Variants in XPO6 observed in about 807,000 individuals in gnomAD.
XPO6 encodes the protein exportin 6.
In XPO6, 3 loss-of-function variants were observed where a neutral mutation model predicts 130.0. The ratio of observed to expected loss-of-function variants is 0.02; its 90% CI spans 0.01 to 0.06. XPO6 has a LOEUF of 0.06. Ranked by LOEUF, XPO6 falls within the 10% of genes least tolerant of loss-of-function variation. XPO6 has a pLI of 1.00. For synonymous variants in XPO6, 524 were observed against 548.9 expected (o/e 0.95, Z 0.63); for missense variants, 970 against 1,393.0 (o/e 0.70, Z 4.83).
At chr16:28,119,762 TA>T (rs2087179448) in intron 14 of XPO6, among the ~76,000 whole-genome samples, 1 of 152,258 alleles carries the variant, frequency 6.6e-6, no homozygotes, top group African/African-American at 2.4e-5. Context: ...TGAGGGTTGA[TA>T]ATGATATCAT....
chr16:28,127,016 A>G (rs574017423), intron 12 of XPO6, among the ~76,000 whole-genome samples: 208 of 152,278 alleles, frequency 1.4e-3, no homozygotes, highest in African/African-American at 4.8e-3. Flanking sequence ...GCTGTGCTCC[A>G]AAATCAGCTT....
At chr16:28,152,890 T>G in intron 7 of XPO6, 105 bp from the exon 8 acceptor site, 1 of 1,452,330 alleles carries the variant, frequency 6.9e-7, no homozygotes, top group Non-Finnish European at 9.0e-7. Flanking sequence ...AAATTTGTAA[T>G]ATATTTTCTT....
At chr16:28,189,574 A>G (rs1283055590) in intron 1 of XPO6, among the ~76,000 whole-genome samples, 1 of 147,040 alleles carries the variant, frequency 6.8e-6, no homozygotes, top group East Asian at 2.1e-4. Flanking sequence ...AACATTGTGT[A>G]CAAGAGTTGC....
chr16:28,116,799 G>A (rs2087072211), intron 15 of XPO6, among the ~76,000 whole-genome samples: 1 of 152,178 alleles, frequency 6.6e-6, no homozygotes. Flanking sequence ...ATCGCTGTAA[G>A]ATATAGTAAC....
rs756811873 is a variant in XPO6, at chr16:28,104,569, G to A, written c.2923C>T (p.Pro975Ser). The stretch of plus-strand genomic sequence containing the variant: ...ACCTGCATGATGGCACTGAACTGGG[G>A]CTCATTCTCCATCTGCTCCTCAGCG... ...GIAEEQMENE[P>S]QFSAIMQAFG... The change falls in exon 21 of 24, where the codon CCC becomes TCC. Residue 975 changes from proline (P) to serine (S), a missense_variant. Pro to Ser is a moderately conservative substitution (Grantham distance 74, BLOSUM62 -1). Around this residue, in one of 4 missense-constraint regions of XPO6, gnomAD observed 936 missense variants for 1,306.8 expected, o/e 0.72. Transcript: ENST00000304658. 6.2e-7 allele frequency: 1 copy of A among 1,614,178 alleles called. No individual in the cohort carries two copies. The highest frequency in any genetic ancestry group is 2.2e-5 in the East Asian group (1 of 44,892).
intron 1 of XPO6, among the ~76,000 whole-genome samples, chr16:28,199,426 C>G (rs1490088780): frequency 6.6e-6 from 1 of 152,064 alleles, no homozygotes; most frequent in African/African-American, 2.4e-5. Context: ...AGGTGCCCAC[C>G]ACCATGTCCA....
In XPO6 at chr16:28,132,280, A is replaced by G; in HGVS notation, c.1606+54T>C. 1 of 1,333,632 alleles carries G rather than the reference A, an allele frequency of 7.5e-7. No individual in the cohort carries two copies. The highest frequency in any genetic ancestry group is 1.3e-5 in the South Asian group (1 of 78,538). 82.6% of individuals were successfully genotyped at this position (1,333,632 alleles called of 1,614,324 possible). On this transcript the variant is annotated intron_variant, in intron 12 of 23. Transcript: ENST00000304658. This position sits in a 1 kb window ranked among gnomAD's most constrained non-coding sequence, Gnocchi z 4.0. ...GCAACGGCAGCAGTAATGAAATATCAGTCCGATGGTTTTTTGAATGTTTGG... is the reference window on the plus strand; with the variant it reads ...GCAACGGCAGCAGTAATGAAATATCGGTCCGATGGTTTTTTGAATGTTTGG...
intron 1 of XPO6, among the ~76,000 whole-genome samples, chr16:28,207,329 C>T (rs2044047859): frequency 6.6e-6 from 1 of 151,750 alleles, no homozygotes; most frequent in African/African-American, 2.4e-5. Context: ...AAAAGAAATG[C>T]TAATATAAGC....
chr16:28,112,148 C>T (rs2086939979), intron 16 of XPO6, 142 bp from the exon 17 acceptor site: 2 of 922,752 alleles, frequency 2.2e-6, no homozygotes, highest in African/African-American at 3.3e-5. Flanking sequence ...TGGGCAAGGC[C>T]TTTGGTCCAA....
intron 6 of XPO6, among the ~76,000 whole-genome samples, chr16:28,162,521 T>TGACTTAGAAGGAATGAA (rs2043293215): frequency 6.6e-6 from 1 of 152,028 alleles, no homozygotes; most frequent in Non-Finnish European, 1.5e-5. Flanking sequence ...GTGCATTTAC[T>TGACTTAGAAGGAATGAA]GACTTAGAAG....
At chr16:28,159,807 A>AG (rs1290367057) in intron 6 of XPO6, among the ~76,000 whole-genome samples, 1 of 152,238 alleles carries the variant, frequency 6.6e-6, no homozygotes, top group Non-Finnish European at 1.5e-5. Context: ...TTAACCATAA[A>AG]GGTATCTTTT....
chr16:28,111,034 G>A (rs2086907747), intron 17 of XPO6: 1 of 152,164 alleles, frequency 6.6e-6, no homozygotes, highest in Non-Finnish European at 1.5e-5. Context: ...GTCAGATTTA[G>A]GAGTTACTTT....
At chr16:28,110,629 A>G (rs1482759013) in intron 17 of XPO6, among the ~76,000 whole-genome samples, 1 of 152,226 alleles carries the variant, frequency 6.6e-6, no homozygotes, top group African/African-American at 2.4e-5. Flanking sequence ...AGACCATTAC[A>G]CGTGATAAAG....
intron 5 of XPO6, among the ~76,000 whole-genome samples, chr16:28,168,303 A>G (rs149736478): frequency 6.8e-4 from 104 of 152,154 alleles, no homozygotes; most frequent in African/African-American, 2.5e-3. Flanking sequence ...TGGGCAATAC[A>G]GGGACTCTAT....
chr16:28,132,958 G>A lies in XPO6; in HGVS notation c.1537-555C>T, dbSNP rs1283088322. ...CTACACTCACCAGTAAGATTAAAAC[G>A]TGACTGGCCCCTAAGAAAGGCAGAT... On this transcript the variant is annotated intron_variant, in intron 11 of 23. Transcript: ENST00000304658. The surrounding 1 kb of genome is among the most constrained non-coding windows in gnomAD (Gnocchi z 4.0). Among the ~76,000 whole-genome samples the A allele has an allele frequency of 1.3e-5, 2 of 152,176 alleles. No individual in the cohort carries two copies. The highest frequency in any genetic ancestry group is 2.1e-4 in the South Asian group (1 of 4,830).
rs572653999 is a variant in XPO6 at position 28,178,912 on chromosome 16, C to G, written c.95-1580G>C. ...CGAAACCCCGTCACTACTAAAAATA[C>G]AAAAATTAGCTGGGCGTAGTGGCAA... On this transcript the variant is annotated intron_variant, in intron 2 of 23. Coordinates refer to ENST00000304658, the MANE Select transcript of XPO6 (RefSeq NM_015171.4). Among the ~76,000 whole-genome samples, 6 of 151,916 alleles carry G rather than the reference C, an allele frequency of 3.9e-5. No homozygotes were observed. The South Asian group carries it at 1.2e-3, about 32-fold the overall frequency.
In XPO6 at chr16:28,104,599, C is replaced by T. The variant is rs1237995492; in HGVS notation, c.2893G>A (p.Gly965Arg). 9 of 1,614,214 alleles carry T rather than the reference C, an allele frequency of 5.6e-6. No individual in the cohort carries two copies. Among genetic ancestry groups the T allele is most frequent in the South Asian group, 1.1e-5 (1 of 91,080 alleles). The change falls in exon 21 of 24, where the codon GGG becomes AGG. Residue 965 changes from glycine (G) to arginine (R), a missense_variant. By Grantham distance (125) the Gly-to-Arg change is moderately radical (BLOSUM62 -2). Transcript: ENST00000304658. Reference sequence around the variant, plus strand: ...TTCTCCATCTGCTCCTCAGCGATCCCCCTCTGGACACTGGCCAGCACGGTG... The same window carrying T: ...TTCTCCATCTGCTCCTCAGCGATCCTCCTCTGGACACTGGCCAGCACGGTG... ...KSTVLASVQR[G>R]IAEEQMENEP...
intron 13 of XPO6, among the ~76,000 whole-genome samples, chr16:28,123,672 G>T (rs2087311196): frequency 6.6e-6 from 1 of 152,150 alleles, no homozygotes; most frequent in Non-Finnish European, 1.5e-5. Flanking sequence ...GGTTCCCAAA[G>T]TCCCACGAAG....
chr16:28,196,256 T>C (rs901371688), intron 1 of XPO6, among the ~76,000 whole-genome samples: 2 of 152,232 alleles, frequency 1.3e-5, no homozygotes, highest in Non-Finnish European at 2.9e-5. Context: ...ATTTTCAAAA[T>C]ACAGATTCAA....
Sources: allele counts gnomAD v4.1 joint callset (sites outside exome capture counted in the v4.1 genomes callset), GRCh38; gene constraint gnomAD v4.1.1; regional missense constraint gnomAD v4.1.1; non-coding constraint Gnocchi (gnomAD v3.1); transcripts MANE v1.5; gene names NCBI Gene and HGNC (gene_info 2026-07-23, HGNC 2026-07-21).